The following ZNF207 variants were observed in gnomAD, a reference collection of about 807,000 sequenced individuals.
The protein encoded by ZNF207 is zinc finger protein 207, also known as BUB3-interacting and GLEBS motif-containing protein ZNF207.
In ZNF207, 24 loss-of-function variants were observed where a neutral mutation model predicts 60.2. The observed-to-expected ratio is 0.40, with a 90% CI of 0.29 to 0.56. The LOEUF (loss-of-function observed/expected upper bound fraction) is 0.56. Ranked by LOEUF, ZNF207 falls within the 20% of genes least tolerant of loss-of-function variation. The pLI, the probability that ZNF207 is intolerant of heterozygous loss-of-function variation, is 0.49. For synonymous variants in ZNF207, 236 were observed against 194.7 expected (o/e 1.21, Z -1.77); for missense variants, 452 against 636.6 (o/e 0.71, Z 3.12).
At chr17:32,368,280 T>C in intron 10 of ZNF207, 1 of 450,024 alleles carries the variant, frequency 2.2e-6, no homozygotes, top group East Asian at 3.9e-5. Context: ...TTAACTCTCT[T>C]AAAAATCATT....
chr17:32,368,635 G>C (rs2150803271), intron 10 of ZNF207, among the ~76,000 whole-genome samples: 1 of 150,840 alleles, frequency 6.6e-6, no homozygotes, highest in South Asian at 2.1e-4. Flanking sequence ...AGGTTGCGTT[G>C]AGCCAAGATT....
chr17:32,363,015 A>T, intron 7 of ZNF207, 31 bp downstream of exon 7: 1 of 1,589,730 alleles, frequency 6.3e-7, no homozygotes, highest in South Asian at 1.1e-5. Context: ...TTTTAATATG[A>T]TGTACAGGCT....
At chr17:32,352,157 CTG>C (rs554626485) in intron 2 of ZNF207, among the ~76,000 whole-genome samples, 16 of 151,884 alleles carry the variant, frequency 1.1e-4, no homozygotes, top group Non-Finnish European at 1.9e-4. Flanking sequence ...TTAGTAGAGA[CTG>C]GGGTTTCACC....
At chr17:32,356,841 A>T (rs1904535650) in intron 2 of ZNF207, among the ~76,000 whole-genome samples, 1 of 152,192 alleles carries the variant, frequency 6.6e-6, no homozygotes, top group South Asian at 2.1e-4. Context: ...GCAAAACAAT[A>T]TAATGAAAAA....
At position 32,371,270 on chromosome 17, in the gene ZNF207, C is replaced by T. The variant is rs1905452319; in HGVS notation, c.*1511C>T. The T allele has an allele frequency of 6.6e-6, 1 of 152,092 alleles. No individual in the cohort carries two copies. The highest frequency in any genetic ancestry group is 2.4e-5 in the African/African-American group (1 of 41,410). The allele number at this position is 152,092 out of a possible 1,614,324, so 9.4% of individuals were successfully genotyped here. On this transcript the variant is annotated 3_prime_UTR_variant, in exon 12 of 12. Transcript: ENST00000394670. ...AGAAAATGGTAACATTTCTTTATAACTTTCCTGTGAAGGTATAGATAAAAC... is the reference window on the plus strand; with the variant it reads ...AGAAAATGGTAACATTTCTTTATAATTTTCCTGTGAAGGTATAGATAAAAC...
In ZNF207 at chr17:32,377,115, A is replaced by C. The variant is rs1905702020; in HGVS notation, c.*7356A>C. On this transcript the variant is annotated 3_prime_UTR_variant, in exon 12 of 12. Transcript: ENST00000394670. ...TTTCCCAGTTTACTACACATGGACC[A>C]ATAGTGATTATTTGGGAGAGAACAC... is the stretch of plus-strand genomic sequence containing the variant. 6.6e-6 allele frequency: 1 copy of C among 152,062 alleles called. No homozygotes were observed. Among genetic ancestry groups the C allele is most frequent in the Admixed American group, 6.6e-5 (1 of 15,262 alleles). 9.4% of individuals were successfully genotyped at this position (152,062 alleles called of 1,614,324 possible). A position where few individuals can be genotyped will look rare whatever the true frequency, so the allele number is the denominator to read the frequency against.
intron 11 of ZNF207, 52 bp downstream of exon 11, chr17:32,369,506 A>T (rs572708244): frequency 6.2e-7 from 1 of 1,604,220 alleles, no homozygotes; most frequent in African/African-American, 1.3e-5. Context: ...AAGTTCACGC[A>T]TAAAATATTA....
intron 2 of ZNF207, among the ~76,000 whole-genome samples, chr17:32,358,101 G>A (rs1283604648): frequency 6.6e-6 from 1 of 152,118 alleles, no homozygotes; most frequent in African/African-American, 2.4e-5. Flanking sequence ...CTTAATATGA[G>A]GCTGTTTCAT....
At chr17:32,355,329 C>T (rs924863197) in intron 2 of ZNF207, among the ~76,000 whole-genome samples, 1 of 152,166 alleles carries the variant, frequency 6.6e-6, no homozygotes, top group Admixed American at 6.6e-5. Context: ...GACGAGACTG[C>T]AGTGAGCCGT....
chr17:32,355,066 A>G (rs1449167110), intron 2 of ZNF207, among the ~76,000 whole-genome samples: 1 of 152,206 alleles, frequency 6.6e-6, no homozygotes, highest in Non-Finnish European at 1.5e-5. Flanking sequence ...GGTATAAGAA[A>G]AAGTGAGGAG....
In ZNF207 at chr17:32,378,492, C is replaced by A. The variant is rs542691636; in HGVS notation, c.*8733C>A. ...AGCAACACTTGTAAATACAAGTACT[C>A]CTCTATTTTTGTTCTTTTTTTGTAA... On this transcript the variant is annotated 3_prime_UTR_variant, in exon 12 of 12. Transcript: ENST00000394670. The A allele has an allele frequency of 6.6e-6, 1 of 152,032 alleles. No homozygotes were observed. The highest frequency in any genetic ancestry group is 1.9e-4 in the East Asian group (1 of 5,184). 9.4% of individuals were successfully genotyped at this position (152,032 alleles called of 1,614,324 possible).
chr17:32,366,606 G>A, intron 8 of ZNF207, 59 bp from the exon 9 acceptor site: 1 of 1,433,328 alleles, frequency 7.0e-7, no homozygotes, highest in Admixed American at 2.3e-5. Flanking sequence ...CTACCACATG[G>A]CTTATTTTGA....
Position 32,367,286 on chromosome 17 carries a change from A to ATAT in ZNF207, c.922-486_922-485insTAT, listed in dbSNP as rs1905245956. 1.3e-3 allele frequency among the ~76,000 whole-genome samples: 57 copies of ATAT among 43,334 alleles called. 1 individual carries two copies. Among genetic ancestry groups the ATAT allele is most frequent in the East Asian group, 2.5e-3 (4 of 1,630 alleles). 28.4% of individuals were successfully genotyped at this position (43,334 alleles called of 152,430 possible). A position where few individuals can be genotyped will look rare whatever the true frequency, so the allele number is the denominator to read the frequency against. Reference sequence around the variant, plus strand: ...ATATATATATATATATATATATATAAAGAATACTACTAAAGGATGTATTTT... The same window carrying ATAT: ...ATATATATATATATATATATATATAATATAGAATACTACTAAAGGATGTATTTT... On this transcript the variant is annotated intron_variant, in intron 9 of 11. Transcript: ENST00000394670.
In ZNF207 at chr17:32,373,099, T is replaced by C; in HGVS notation, c.*3340T>C. ...TTGATTTGAATACTTAGTATTTTAG[T>C]AGTGTCTCACACATTTGCCATTAGG... On this transcript the variant is annotated 3_prime_UTR_variant, in exon 12 of 12. Coordinates refer to ENST00000394670, the MANE Select transcript of ZNF207 (RefSeq NM_001098507.2). The C allele has an allele frequency of 7.8e-6, 2 of 255,116 alleles. No individual in the cohort carries two copies. The highest frequency in any genetic ancestry group is 5.2e-5 in the Admixed American group (1 of 19,114). 15.8% of individuals were successfully genotyped at this position (255,116 alleles called of 1,614,324 possible). A position where few individuals can be genotyped will look rare whatever the true frequency, so the allele number is the denominator to read the frequency against.
Position 32,363,228 on chromosome 17 carries a change from C to T in ZNF207, c.670+244C>T, listed in dbSNP as rs138371247. Among the ~76,000 whole-genome samples the T allele has an allele frequency of 1.9e-3, 296 of 152,210 alleles. 1 individual carries two copies. Among genetic ancestry groups the T allele is most frequent in the African/African-American group, 6.8e-3 (283 of 41,522 alleles). On this transcript the variant is annotated intron_variant, in intron 7 of 11. Coordinates refer to ENST00000394670, the MANE Select transcript of ZNF207 (RefSeq NM_001098507.2). ...TCAGCCTCCTGAGTAGCTGGGATTA[C>T]AGGCGCCTGCTACCACACCTGGCTA...
chr17:32,365,222 G>A (rs1905105231), intron 7 of ZNF207, 108 bp from the exon 8 acceptor site: 1 of 1,221,048 alleles, frequency 8.2e-7, no homozygotes, highest in Non-Finnish European at 1.1e-6. Flanking sequence ...CTTGGATTTA[G>A]TCGAGTCATT....
At position 32,378,466 on chromosome 17, in the gene ZNF207, T is replaced by C. The variant is rs529179746; in HGVS notation, c.*8707T>C. On this transcript the variant is annotated 3_prime_UTR_variant, in exon 12 of 12. Transcript: ENST00000394670. Reference sequence around the variant, plus strand: ...TTTTTATAATGCTTTTTTGTTCTTTTAGCAACACTTGTAAATACAAGTACT... The same window carrying C: ...TTTTTATAATGCTTTTTTGTTCTTTCAGCAACACTTGTAAATACAAGTACT... 5 of 152,188 alleles carry C rather than the reference T, an allele frequency of 3.3e-5. No homozygotes were observed. The highest frequency in any genetic ancestry group is 7.4e-5 in the Non-Finnish European group (5 of 67,910). The allele number at this position is 152,188 out of a possible 1,614,324, so 9.4% of individuals were successfully genotyped here.
At chr17:32,353,051 G>A (rs982222131) in intron 2 of ZNF207, among the ~76,000 whole-genome samples, 10 of 152,180 alleles carry the variant, frequency 6.6e-5, no homozygotes, top group African/African-American at 2.4e-4. Flanking sequence ...GCATGGGCCT[G>A]TAATCCTGGC....
chr17:32,351,352 C>T (rs2041503893), intron 1 of ZNF207: 1 of 799,526 alleles, frequency 1.3e-6, no homozygotes, highest in Non-Finnish European at 1.7e-6. Context: ...CTCTTAGATT[C>T]TAAATATTGC....
Sources: gnomAD v4.1 joint callset for allele counts (sites outside exome capture counted in the v4.1 genomes callset) on GRCh38, gnomAD v4.1.1 for gene constraint, MANE v1.5 for transcripts, NCBI Gene and HGNC (gene_info 2026-07-23, HGNC 2026-07-21) for gene names.